RFX4: variants seen among roughly 807,000 people sequenced by gnomAD.
RFX4 encodes the protein regulatory factor X4, also known as transcription factor RFX4.
Under a neutral mutation model 95.0 loss-of-function variants are expected in RFX4, and 10 were observed. That is an observed-to-expected ratio of 0.11 (90% confidence interval 0.06 to 0.18). The LOEUF is 0.18. RFX4 is among the 10% of genes least tolerant of loss of function. The pLI is 1.00. For synonymous variants in RFX4, 321 were observed against 340.7 expected, an observed-to-expected ratio of 0.94 and a Z score of 0.64; for missense variants, 640 against 922.0, an observed-to-expected ratio of 0.69 and a Z score of 3.96.
intron 15 of RFX4, among the ~76,000 whole-genome samples, chr12:106,739,826 G>A (rs1372112514): frequency 6.6e-6 from 1 of 152,094 alleles, no homozygotes; most frequent in Non-Finnish European, 1.5e-5. Flanking sequence ...TCATGACCTG[G>A]CAAAGTTGGC....
chr12:106,728,219 C>A (rs577371405), intron 13 of RFX4, among the ~76,000 whole-genome samples: 2 of 151,970 alleles, frequency 1.3e-5, no homozygotes, highest in East Asian at 3.9e-4. Context: ...AATCCTAATG[C>A]CTTTTTCCAT....
chr12:106,738,202 G>A (rs1453739835), intron 15 of RFX4, among the ~76,000 whole-genome samples: 1 of 152,166 alleles, frequency 6.6e-6, no homozygotes, highest in African/African-American at 2.4e-5. Context: ...ACACGAGTCT[G>A]CTAGTGATAA....
chr12:106,713,304 A>G (rs969935301), intron 10 of RFX4, among the ~76,000 whole-genome samples: 1 of 152,210 alleles, frequency 6.6e-6, no homozygotes, highest in Non-Finnish European at 1.5e-5. Context: ...TGGCATTCCT[A>G]TCTCAGCCAT....
At chr12:106,711,350 TAGGC>T (rs1408704638) in intron 9 of RFX4, 99 bp from the exon 10 acceptor site, 11 of 1,014,630 alleles carry the variant, frequency 1.1e-5, no homozygotes, top group African/African-American at 1.6e-5. Flanking sequence ...GAGATAAACG[TAGGC>T]AAAATAAGCA....
At chr12:106,752,749 C>T (rs372670253) in intron 17 of RFX4, among the ~76,000 whole-genome samples, 1 of 152,200 alleles carries the variant, frequency 6.6e-6, no homozygotes, top group Non-Finnish European at 1.5e-5. Context: ...CCTACATCTC[C>T]TTGGGCTCCT....
intron 17 of RFX4, among the ~76,000 whole-genome samples, chr12:106,756,752 G>A (rs1008323932): frequency 2.0e-5 from 3 of 152,024 alleles, no homozygotes; most frequent in Admixed American, 6.6e-5. Context: ...AATAAAGGTC[G>A]GAACAGGGCC....
intron 4 of RFX4, among the ~76,000 whole-genome samples, chr12:106,673,472 G>A (rs1343113852): frequency 6.6e-6 from 1 of 152,338 alleles, no homozygotes; most frequent in East Asian, 1.9e-4. Flanking sequence ...CTGAGCGAGT[G>A]TTATGATCCC....
intron 13 of RFX4, among the ~76,000 whole-genome samples, chr12:106,725,563 G>A (rs1218463484): frequency 6.6e-6 from 1 of 152,124 alleles, no homozygotes; most frequent in African/African-American, 2.4e-5. Flanking sequence ...GGAATACTAG[G>A]TAACTTTAGG....
At position 106,733,113 on chromosome 12, in the gene RFX4, G is replaced by C. The variant is rs142395714; in HGVS notation, c.1633+28G>C. 1.9e-5 allele frequency: 31 copies of C among 1,610,518 alleles called. No individual in the cohort carries two copies. In the African/African-American group the frequency reaches 3.7e-4, roughly 19 times the overall value. ...AATGGAAAGTCCTTCAAAAACTTTG[G>C]GTAGTTAATGTTTGAAGAAAGGGCT... On this transcript the variant is annotated intron_variant, in intron 15 of 17. Coordinates refer to ENST00000392842, the MANE Select transcript of RFX4 (RefSeq NM_213594.3).
intron 3 of RFX4, among the ~76,000 whole-genome samples, chr12:106,647,258 G>A (rs533671347): frequency 6.6e-6 from 1 of 152,280 alleles, no homozygotes; most frequent in South Asian, 2.1e-4. Flanking sequence ...GGCACATAGT[G>A]AGAACTTTAG....
At chr12:106,675,400 C>T (rs1357211803) in intron 4 of RFX4, among the ~76,000 whole-genome samples, 1 of 152,056 alleles carries the variant, frequency 6.6e-6, no homozygotes, top group African/African-American at 2.4e-5. Flanking sequence ...CACTGCACTC[C>T]AGCCTGGGTG....
At chr12:106,673,028 C>G (rs1229824602) in intron 4 of RFX4, among the ~76,000 whole-genome samples, 1 of 152,122 alleles carries the variant, frequency 6.6e-6, no homozygotes, top group Non-Finnish European at 1.5e-5. Flanking sequence ...CCATTAGATA[C>G]TTTTAGGTAA....
chr12:106,699,350 T>C (rs2137459873), intron 8 of RFX4, among the ~76,000 whole-genome samples: 1 of 152,302 alleles, frequency 6.6e-6, no homozygotes, highest in African/African-American at 2.4e-5. Flanking sequence ...ATGTTCTATG[T>C]GTACCTGAAA....
Position 106,715,512 on chromosome 12 carries a change from C to T in RFX4, c.1106C>T (p.Ser369Phe). The T allele has an allele frequency of 6.2e-7, 1 of 1,614,178 alleles. No individual in the cohort carries two copies. The highest frequency in any genetic ancestry group is 8.5e-7 in the Non-Finnish European group (1 of 1,180,012). Residue 369 changes from serine to phenylalanine, a missense_variant, in exon 11 of 18, where the codon TCT (serine) becomes TTT (phenylalanine). Transcript: ENST00000392842. ...CAAACCCTTTACACCATGGAAGACT[C>T]TCGCGATGAGCACCGGAAACTCATC... ...TKQTLYTMED[S>F]RDEHRKLITQ... is the part of the protein sequence containing the mutation.
chr12:106,621,838 C>T (rs572953431), intron 2 of RFX4, among the ~76,000 whole-genome samples: 6 of 152,250 alleles, frequency 3.9e-5, no homozygotes, highest in South Asian at 2.1e-4. Context: ...CTTGGTGTTT[C>T]GGGAAAACGC....
chr12:106,641,967 C>CTATATCTATATCTA (rs371927014), intron 3 of RFX4, among the ~76,000 whole-genome samples: 9 of 134,994 alleles, frequency 6.7e-5, no homozygotes, highest in African/African-American at 2.3e-4. Context: ...ATATCTATAT[C>CTATATCTATATCTA]TATCTATATC....
At chr12:106,700,066 C>A (rs1565985180) in intron 8 of RFX4, among the ~76,000 whole-genome samples, 1 of 152,088 alleles carries the variant, frequency 6.6e-6, no homozygotes, top group Non-Finnish European at 1.5e-5. Context: ...TACTCTGTCA[C>A]CCAGGCTCCA....
At chr12:106,738,132 G>A (rs2042746132) in intron 15 of RFX4, among the ~76,000 whole-genome samples, 1 of 152,162 alleles carries the variant, frequency 6.6e-6, no homozygotes, top group African/African-American at 2.4e-5. Context: ...TCTCCCTAAA[G>A]AAAGAGCCAT....
At chr12:106,600,359 C>T (rs1202443942) in intron 1 of RFX4, among the ~76,000 whole-genome samples, 1 of 152,148 alleles carries the variant, frequency 6.6e-6, no homozygotes, top group Non-Finnish European at 1.5e-5. Flanking sequence ...AAGAAGCTTC[C>T]TAACTCCCCC....
Sources: allele counts gnomAD v4.1 joint callset (sites outside exome capture counted in the v4.1 genomes callset), GRCh38; gene constraint gnomAD v4.1.1; transcripts MANE v1.5; gene names NCBI Gene and HGNC (gene_info 2026-07-23, HGNC 2026-07-21).